Variants in OXR1 observed in about 807,000 individuals in gnomAD.
OXR1 encodes the protein oxidation resistance 1.
OXR1 carries 41 observed loss-of-function variants against 104.6 expected under a neutral mutation model. That is an observed-to-expected ratio of 0.39 (90% CI 0.31 to 0.51). The LOEUF (loss-of-function observed/expected upper bound fraction) is 0.51, where lower values mean the gene tolerates loss of function less well. OXR1 is among the 20% of genes least tolerant of loss of function. The probability of loss-of-function intolerance (pLI) is 0.77; values close to 1 mark genes in which losing one functional copy is unlikely to be tolerated. For missense variants in OXR1, 955 were observed against 1,031.9 expected (o/e 0.93, Z 1.02); for synonymous variants, 348 against 348.4 (o/e 1.00, Z 0.01).
chr8:106,506,861 T>C (rs910909390), intron 2 of OXR1, among the ~76,000 whole-genome samples: 1 of 151,612 alleles, frequency 6.6e-6, no homozygotes, highest in African/African-American at 2.4e-5. Flanking sequence ...GAGGCTGAGA[T>C]GGAAGGATTG....
intron 3 of OXR1, among the ~76,000 whole-genome samples, chr8:106,651,076 T>A (rs1393387090): frequency 6.6e-6 from 1 of 152,164 alleles, no homozygotes; most frequent in Non-Finnish European, 1.5e-5. Flanking sequence ...GAGTGTGCTT[T>A]AAAAATGTTG....
chr8:106,431,200 A>G (rs982308512), intron 2 of OXR1, among the ~76,000 whole-genome samples: 1 of 152,166 alleles, frequency 6.6e-6, no homozygotes, highest in Non-Finnish European at 1.5e-5. Context: ...AACATGCAAC[A>G]GAGATGAATT....
intron 2 of OXR1, among the ~76,000 whole-genome samples, chr8:106,367,898 C>T (rs535556897): frequency 6.6e-6 from 1 of 152,092 alleles, no homozygotes; most frequent in South Asian, 2.1e-4. Context: ...TGAAAAGTAT[C>T]TGGTATGCTT....
At position 106,581,099 on chromosome 8, in the gene OXR1, G is replaced by C. The variant is rs1818189402; in HGVS notation, c.220+61960G>C. 5 of 1,223,564 alleles carry C rather than the reference G, an allele frequency of 4.1e-6. No homozygotes were observed. In the South Asian group the frequency reaches 7.4e-5, roughly 18 times the overall value. The allele number at this position is 1,223,564 out of a possible 1,614,324, so 75.8% of individuals were successfully genotyped here. On this transcript the variant is annotated intron_variant, in intron 3 of 16. Coordinates refer to ENST00000517566, the MANE Select transcript of OXR1 (RefSeq NM_001198533.2). Reference sequence around the variant, plus strand: ...GCTAAAGATGGAGGAAAAATATGGTGCTATTCAAAGACAGTCTAGACTTAA... The same window carrying C: ...GCTAAAGATGGAGGAAAAATATGGTCCTATTCAAAGACAGTCTAGACTTAA...
rs1830204401 is a variant in OXR1 at position 106,697,811 on chromosome 8, C to T, written c.675+4934C>T. 3.7e-6 allele frequency: 6 copies of T among 1,612,228 alleles called. No individual in the cohort carries two copies. In the South Asian group the frequency reaches 4.4e-5, roughly 12 times the overall value. On this transcript the variant is annotated intron_variant, in intron 7 of 16. Coordinates refer to ENST00000517566, the MANE Select transcript of OXR1 (RefSeq NM_001198533.2). Reference sequence around the variant, plus strand: ...GGGACCTGCCCCTTGGGGTACAGTGCATTATTGAGCTCACATAACACCGTG... The same window carrying T: ...GGGACCTGCCCCTTGGGGTACAGTGTATTATTGAGCTCACATAACACCGTG...
chr8:106,457,503 A>G (rs746884090), intron 2 of OXR1, among the ~76,000 whole-genome samples: 1 of 152,186 alleles, frequency 6.6e-6, no homozygotes, highest in Non-Finnish European at 1.5e-5. Flanking sequence ...CTGTGCCATC[A>G]TAACTACCTG....
chr8:106,662,317 A>G (rs1825843940), intron 3 of OXR1, among the ~76,000 whole-genome samples: 1 of 152,234 alleles, frequency 6.6e-6, no homozygotes, highest in Non-Finnish European at 1.5e-5. Context: ...TATGACTTGA[A>G]TTATTTGACA....
chr8:106,514,730 G>A (rs1282322519), intron 2 of OXR1, among the ~76,000 whole-genome samples: 1 of 151,996 alleles, frequency 6.6e-6, no homozygotes, highest in African/African-American at 2.4e-5. Context: ...GCCAATATGA[G>A]ACTTTAGATC....
intron 6 of OXR1, among the ~76,000 whole-genome samples, chr8:106,691,965 GTGTGTGTGTGTCTATATATAT>G (rs1171470863): frequency 7.9e-6 from 1 of 126,596 alleles, no homozygotes; most frequent in Non-Finnish European, 1.6e-5. Flanking sequence ...GCGTATATAT[GTGTGTGTGTGTCTATATATAT>G]ACACACACAC....
At chr8:106,392,078 C>T (rs765163901) in intron 2 of OXR1, among the ~76,000 whole-genome samples, 5 of 152,180 alleles carry the variant, frequency 3.3e-5, no homozygotes, top group Non-Finnish European at 7.3e-5. Context: ...AACCTATGTG[C>T]ATCTGTGGTC....
intron 1 of OXR1, among the ~76,000 whole-genome samples, chr8:106,291,976 A>G (rs1460520178): frequency 6.6e-6 from 1 of 152,132 alleles, no homozygotes; most frequent in Non-Finnish European, 1.5e-5. Context: ...CGTGGGGATT[A>G]TGGGAGCTAC....
At chr8:106,677,929 C>G (rs535229687) in intron 3 of OXR1, among the ~76,000 whole-genome samples, 1 of 152,138 alleles carries the variant, frequency 6.6e-6, no homozygotes, top group African/African-American at 2.4e-5. Flanking sequence ...TTATTAGATG[C>G]TTGCCATGTG....
intron 2 of OXR1, among the ~76,000 whole-genome samples, chr8:106,470,808 A>G (rs1278367917): frequency 6.6e-6 from 1 of 151,732 alleles, no homozygotes; most frequent in Admixed American, 6.6e-5. Context: ...TATGAGTGTG[A>G]CATCTTAGAC....
At chr8:106,313,585 C>A (rs1813799794) in intron 1 of OXR1, among the ~76,000 whole-genome samples, 1 of 151,930 alleles carries the variant, frequency 6.6e-6, no homozygotes, top group African/African-American at 2.4e-5. Context: ...TTGCATGATA[C>A]ACCATTGCTG....
At chr8:106,660,990 G>A (rs1825708790) in intron 3 of OXR1, among the ~76,000 whole-genome samples, 1 of 152,018 alleles carries the variant, frequency 6.6e-6, no homozygotes, top group Non-Finnish European at 1.5e-5. Flanking sequence ...CTGGGCCACA[G>A]AACGAGACTC....
rs146002836 is a variant in OXR1, at chr8:106,612,995, G to A, written c.221-66215G>A. Among the ~76,000 whole-genome samples, 509 of 152,162 alleles carry A rather than the reference G, an allele frequency of 3.3e-3. 1 individual carries two copies. The highest frequency in any genetic ancestry group is 0.011 in the African/African-American group (467 of 41,536). ...CTGCAACACGTGCTTTCAGGCAAGC[G>A]TTAGTCAGTGCAGCTCAGGGAAAAC... On this transcript the variant is annotated intron_variant, in intron 3 of 16. Coordinates refer to ENST00000517566, the MANE Select transcript of OXR1 (RefSeq NM_001198533.2).
chr8:106,569,616 A>G (rs772709199), intron 3 of OXR1, among the ~76,000 whole-genome samples: 2 of 152,206 alleles, frequency 1.3e-5, no homozygotes, highest in Non-Finnish European at 1.5e-5. Context: ...AAATCGGTAT[A>G]AAGAGAGTTC....
chr8:106,567,196 TGAG>T (rs1418090323), intron 3 of OXR1, among the ~76,000 whole-genome samples: 3 of 152,126 alleles, frequency 2.0e-5, no homozygotes. Flanking sequence ...TTTGGTGCAG[TGAG>T]GAGAGAGAAG....
In OXR1 at chr8:106,597,501, A is replaced by G. The variant is rs528881947; in HGVS notation, c.220+78362A>G. On this transcript the variant is annotated intron_variant, in intron 3 of 16. Transcript: ENST00000517566. Reference sequence around the variant, plus strand: ...ACTAAGAAAGGAAGACAAATTTAACACAAACAGTTCTACAAAATAAACTGC... The same window carrying G: ...ACTAAGAAAGGAAGACAAATTTAACGCAAACAGTTCTACAAAATAAACTGC... Among the ~76,000 whole-genome samples the G allele has an allele frequency of 3.9e-5, 6 of 152,332 alleles. No homozygotes were observed. In the South Asian group the frequency reaches 1.2e-3, roughly 32 times the overall value.
Sources: allele counts gnomAD v4.1 joint callset (sites outside exome capture counted in the v4.1 genomes callset), GRCh38; gene constraint gnomAD v4.1.1; transcripts MANE v1.5; gene names NCBI Gene and HGNC (gene_info 2026-07-23, HGNC 2026-07-21).